Variants in IL33 observed in about 807,000 individuals in gnomAD.
The protein encoded by IL33 is interleukin-33.
In IL33, 37 loss-of-function variants were observed where a neutral mutation model predicts 27.3. That is an observed-to-expected ratio of 1.36 (90% confidence interval 1.04 to 1.78). The LOEUF is 1.78. IL33 is among the 40% of genes most tolerant of loss of function. The probability of loss-of-function intolerance (pLI) is 0.00; values close to 1 mark genes in which losing one functional copy is unlikely to be tolerated. For synonymous variants in IL33, 132 were observed against 102.9 expected (o/e 1.28, Z -1.71); for missense variants, 406 against 311.4 (o/e 1.30, Z -2.29).
chr9:6,246,383 G>A (rs1350892775), intron 2 of IL33, among the ~76,000 whole-genome samples: 1 of 151,994 alleles, frequency 6.6e-6, no homozygotes, highest in Admixed American at 6.6e-5. Flanking sequence ...CCAACATGGT[G>A]AAACCCCGTC....
At chr9:6,229,072 G>C (rs1164468051) in intron 1 of IL33, among the ~76,000 whole-genome samples, 3 of 152,088 alleles carry the variant, frequency 2.0e-5, no homozygotes, top group African/African-American at 7.2e-5. Context: ...TAGTGCAGCT[G>C]CCAGTATAGA....
In IL33 at chr9:6,216,056, A is replaced by G. The variant is rs977797751; in HGVS notation, c.-12+204A>G. Reference sequence around the variant, plus strand: ...TGCTTTCCTTTGGGTGATTTGTAAAATTAATAAATTGCTGAAAGAGATTGT... The same window carrying G: ...TGCTTTCCTTTGGGTGATTTGTAAAGTTAATAAATTGCTGAAAGAGATTGT... On this transcript the variant is annotated intron_variant, in intron 1 of 7. Transcript: ENST00000682010. Among the ~76,000 whole-genome samples, 5 of 152,314 alleles carry G rather than the reference A, an allele frequency of 3.3e-5. No individual in the cohort carries two copies. In the East Asian group the frequency reaches 9.6e-4, roughly 29 times the overall value.
At chr9:6,225,813 C>T (rs982146849) in intron 1 of IL33, among the ~76,000 whole-genome samples, 19 of 152,192 alleles carry the variant, frequency 1.2e-4, no homozygotes, top group African/African-American at 4.6e-4. Flanking sequence ...GCCTGGACCT[C>T]CCTAGCTCAA....
At chr9:6,229,086 G>C (rs1818798375) in intron 1 of IL33, among the ~76,000 whole-genome samples, 1 of 151,970 alleles carries the variant, frequency 6.6e-6, no homozygotes, top group Non-Finnish European at 1.5e-5. Context: ...GTATAGAAGG[G>C]GCCCTGGGAG....
rs970745723 is a variant in IL33 at position 6,256,367 on chromosome 9, C to A, written c.*199C>A. On this transcript the variant is annotated 3_prime_UTR_variant, in exon 8 of 8. Coordinates refer to ENST00000682010, the MANE Select transcript of IL33 (RefSeq NM_033439.4). ...TTTATTTCCCTCTGTATAACTGCAT[C>A]TTCAATACAAGTATCAGTATATTAA... 3.5e-6 allele frequency: 2 copies of A among 566,408 alleles called. No homozygotes were observed. The highest frequency in any genetic ancestry group is 3.1e-6 in the Non-Finnish European group (1 of 322,876). 35.1% of individuals were successfully genotyped at this position (566,408 alleles called of 1,614,324 possible).
intron 1 of IL33, among the ~76,000 whole-genome samples, chr9:6,230,285 G>A (rs1281087645): frequency 6.6e-6 from 1 of 152,132 alleles, no homozygotes; most frequent in East Asian, 1.9e-4. Context: ...GTCATAGATT[G>A]ATCTACTAGG....
chr9:6,228,715 T>G (rs1443796970), intron 1 of IL33, among the ~76,000 whole-genome samples: 1 of 151,498 alleles, frequency 6.6e-6, no homozygotes, highest in Non-Finnish European at 1.5e-5. Context: ...TTTAGCCGAG[T>G]GTGGTGGCAC....
chr9:6,215,759 C>G (rs1445471817), upstream of IL33: 2 of 152,186 alleles, frequency 1.3e-5, no homozygotes, highest in Non-Finnish European at 1.5e-5. Context: ...CAATTTGGGT[C>G]TCTGCCAAAC....
intron 1 of IL33, among the ~76,000 whole-genome samples, chr9:6,223,062 C>T (rs535451984): frequency 7.2e-5 from 11 of 152,280 alleles, no homozygotes; most frequent in African/African-American, 2.6e-4. Flanking sequence ...TTGAAGGCTC[C>T]TCTGTGTCAC....
At position 6,250,505 on chromosome 9, in the gene IL33, C is replaced by T. The variant is rs191226236; in HGVS notation, c.123C>T (p.Pro41=). 1.2e-6 allele frequency: 2 copies of T among 1,613,824 alleles called. No homozygotes were observed. The highest frequency in any genetic ancestry group is 2.7e-5 in the African/African-American group (2 of 75,018). The change falls in exon 3 of 8, where the codon CCC becomes CCT. Residue 41 remains proline, a synonymous_variant. Transcript: ENST00000682010. ...KSQQKAKEVC[P]MYFMKLRSGL... is the part of the protein sequence containing the mutation. ...AACAGAAGGCCAAAGAAGTTTGCCCCATGTACTTTATGAAGCTCCGCTCTG... is the reference window on the plus strand; with the variant it reads ...AACAGAAGGCCAAAGAAGTTTGCCCTATGTACTTTATGAAGCTCCGCTCTG...
At chr9:6,232,759 C>G (rs974232986) in intron 1 of IL33, among the ~76,000 whole-genome samples, 3 of 152,210 alleles carry the variant, frequency 2.0e-5, no homozygotes, top group African/African-American at 7.2e-5. Flanking sequence ...ACTATTGCCT[C>G]TGCTGCTGTC....
intron 1 of IL33, among the ~76,000 whole-genome samples, chr9:6,216,294 G>A (rs1342797414): frequency 6.6e-6 from 1 of 152,126 alleles, no homozygotes; most frequent in Non-Finnish European, 1.5e-5. Context: ...CTATGCCTGG[G>A]TAATTTTTTT....
intron 6 of IL33, 55 bp downstream of exon 6, chr9:6,253,657 G>A: frequency 7.2e-7 from 1 of 1,391,404 alleles, no homozygotes; most frequent in South Asian, 1.3e-5. Context: ...ATGGGGTAAA[G>A]ATAAATCCAA....
intron 6 of IL33, among the ~76,000 whole-genome samples, 167 bp downstream of exon 6, chr9:6,253,769 C>A (rs1037805382): frequency 3.3e-5 from 5 of 152,168 alleles, no homozygotes; most frequent in African/African-American, 1.2e-4. Flanking sequence ...GCATTCTCAT[C>A]CATTTTACAG....
At position 6,254,556 on chromosome 9, in the gene IL33, A is replaced by G. The variant is rs765062399; in HGVS notation, c.612+3A>G. 2 of 930,718 alleles carry G rather than the reference A, an allele frequency of 2.1e-6. No individual in the cohort carries two copies. Among genetic ancestry groups the G allele is most frequent in the South Asian group, 2.2e-5 (1 of 46,466 alleles). 57.7% of individuals were successfully genotyped at this position (930,718 alleles called of 1,614,324 possible). A position where few individuals can be genotyped will look rare whatever the true frequency, so the allele number is the denominator to read the frequency against. On this transcript the variant is annotated splice_donor_region_variant and intron_variant, in intron 7 of 7. Coordinates refer to ENST00000682010, the MANE Select transcript of IL33 (RefSeq NM_033439.4). ...ACAACAAGGAACACTCTGTGGAGGT[A>G]AAAAAAAAAAATTTATCTATATCTA...
At chr9:6,215,158 A>T (rs925839526), upstream of IL33, among the ~76,000 whole-genome samples, 2 of 152,350 alleles carry the variant, frequency 1.3e-5, no homozygotes, top group African/African-American at 4.8e-5. Context: ...TACAGATGCC[A>T]AACGAGATGG....
intron 3 of IL33, 38 bp downstream of exon 3, chr9:6,250,637 G>A: frequency 6.3e-7 from 1 of 1,594,266 alleles, no homozygotes; most frequent in Non-Finnish European, 8.5e-7. Context: ...ATAGTGATAA[G>A]TATCTGTTTG....
chr9:6,224,887 T>TG (rs1818562268), intron 1 of IL33, among the ~76,000 whole-genome samples: 1 of 149,430 alleles, frequency 6.7e-6, no homozygotes, highest in Non-Finnish European at 1.5e-5. Context: ...CAGAATAGAT[T>TG]TTTTTTTTTT....
Position 6,253,650 on chromosome 9 carries a change from G to C in IL33, c.520+48G>C, listed in dbSNP as rs769004253. The C allele has an allele frequency of 6.9e-6, 10 of 1,450,018 alleles. No homozygotes were observed. The African/African-American group carries it at 1.4e-4, about 21-fold the overall frequency. The allele number at this position is 1,450,018 out of a possible 1,614,324, so 89.8% of individuals were successfully genotyped here. A position where few individuals can be genotyped will look rare whatever the true frequency, so the allele number is the denominator to read the frequency against. ...TGTAGTGCTTGAATTCTTAAGTATG[G>C]GGTAAAGATAAATCCAAAAAAATCC... is the stretch of plus-strand genomic sequence containing the variant. On this transcript the variant is annotated intron_variant, in intron 6 of 7. Coordinates refer to ENST00000682010, the MANE Select transcript of IL33 (RefSeq NM_033439.4).
Sources: allele counts gnomAD v4.1 joint callset (sites outside exome capture counted in the v4.1 genomes callset), GRCh38; gene constraint gnomAD v4.1.1; transcripts MANE v1.5; gene names NCBI Gene and HGNC (gene_info 2026-07-23, HGNC 2026-07-21).